GNAO1: variants seen among roughly 807,000 people sequenced by gnomAD.
GNAO1 encodes the protein G protein subunit alpha o1.
For missense variants in GNAO1, 166 were observed against 478.7 expected, an observed-to-expected ratio of 0.35 and a Z score of 6.10; for synonymous variants, 164 against 180.7, an observed-to-expected ratio of 0.91 and a Z score of 0.74.
intron 2 of GNAO1, among the ~76,000 whole-genome samples, chr16:56,269,959 CA>C (rs2037000179): frequency 6.6e-6 from 1 of 152,170 alleles, no homozygotes; most frequent in South Asian, 2.1e-4. Context: ...TGGGGAGTCT[CA>C]CTGCAGCTAA....
intron 2 of GNAO1, among the ~76,000 whole-genome samples, chr16:56,274,338 G>C (rs1188691967): frequency 6.6e-6 from 1 of 152,192 alleles, no homozygotes; most frequent in Non-Finnish European, 1.5e-5. Context: ...CTCTGGGGTG[G>C]TGCACCAGTG....
intron 2 of GNAO1, among the ~76,000 whole-genome samples, chr16:56,207,548 CAATT>C (rs1185488421): frequency 3.9e-5 from 6 of 152,158 alleles, no homozygotes; most frequent in Non-Finnish European, 7.3e-5. Flanking sequence ...TAATTGTTAT[CAATT>C]AATTGTTCCA....
chr16:56,272,108 A>G (rs1225766962), intron 2 of GNAO1, among the ~76,000 whole-genome samples: 1 of 152,114 alleles, frequency 6.6e-6, no homozygotes, highest in Non-Finnish European at 1.5e-5. Flanking sequence ...GGGAGTATGA[A>G]TAATATTTCC....
chr16:56,229,154 T>C (rs1193696609), intron 2 of GNAO1, among the ~76,000 whole-genome samples: 4 of 152,162 alleles, frequency 2.6e-5, no homozygotes, highest in Non-Finnish European at 4.4e-5. Context: ...TAGAATCATT[T>C]TGAGGAATAT....
At chr16:56,356,056 A>C (rs1464610681) in intron 8 of GNAO1, 47 bp from the exon 9 acceptor site, 2 of 152,610 alleles carry the variant, frequency 1.3e-5, no homozygotes, top group Non-Finnish European at 2.9e-5. Context: ...TGGTTTTTAA[A>C]ATCAAAGAAA....
intron 2 of GNAO1, among the ~76,000 whole-genome samples, chr16:56,223,520 C>A (rs778004817): frequency 1.2e-4 from 18 of 152,218 alleles, no homozygotes; most frequent in Non-Finnish European, 2.4e-4. Flanking sequence ...ATGGCATCTG[C>A]AAAGTCCCTT....
intron 2 of GNAO1, among the ~76,000 whole-genome samples, chr16:56,205,264 CA>C (rs1419612415): frequency 6.6e-6 from 1 of 152,142 alleles, no homozygotes; most frequent in East Asian, 1.9e-4. Flanking sequence ...AGTACAAAGA[CA>C]AAACAACTCC....
At chr16:56,223,263 G>A (rs1013958536) in intron 2 of GNAO1, among the ~76,000 whole-genome samples, 1 of 152,130 alleles carries the variant, frequency 6.6e-6, no homozygotes, top group South Asian at 2.1e-4. Flanking sequence ...GCTGGAAACC[G>A]AGGGCTGTTC....
chr16:56,217,925 C>T (rs1290230448), intron 2 of GNAO1, among the ~76,000 whole-genome samples: 1 of 152,184 alleles, frequency 6.6e-6, no homozygotes, highest in African/African-American at 2.4e-5. Context: ...AACAGCAATG[C>T]ATGGTAAAGT....
At chr16:56,343,854 C>G in intron 6 of GNAO1, 1 of 1,613,886 alleles carries the variant, frequency 6.2e-7, no homozygotes, top group African/African-American at 1.3e-5. Flanking sequence ...ACACCCACGT[C>G]ACCTGCGCCA....
intron 2 of GNAO1, among the ~76,000 whole-genome samples, chr16:56,273,854 A>G (rs1272062995): frequency 6.6e-6 from 1 of 152,228 alleles, no homozygotes; most frequent in Non-Finnish European, 1.5e-5. Context: ...GAACTTGAAT[A>G]TCTCCCAGCC....
intron 3 of GNAO1, among the ~76,000 whole-genome samples, chr16:56,306,046 T>C (rs1178753409): frequency 1.3e-5 from 2 of 152,256 alleles, no homozygotes; most frequent in East Asian, 3.8e-4. Context: ...GGAGCTTCCC[T>C]GCCGTCCTCT....
At chr16:56,198,497 A>G (rs2143293113) in intron 2 of GNAO1, among the ~76,000 whole-genome samples, 1 of 152,340 alleles carries the variant, frequency 6.6e-6, no homozygotes, top group Middle Eastern at 3.4e-3. Context: ...GGTTAAGAGC[A>G]TAGACTCTGC....
Position 56,334,863 on chromosome 16 carries a change from G to C in GNAO1, c.593+6G>C. ...TTCAAGAACCTCCACTTCAGGTGAGGCCCAGAGAGGCCCCCAGGCCCTGGC... is the reference window on the plus strand; with the variant it reads ...TTCAAGAACCTCCACTTCAGGTGAGCCCCAGAGAGGCCCCCAGGCCCTGGC... On this transcript the variant is annotated splice_donor_region_variant and intron_variant, in intron 5 of 8. Coordinates refer to ENST00000262493, the MANE Select transcript of GNAO1 (RefSeq NM_020988.3). 1 of 1,613,814 alleles carries C rather than the reference G, an allele frequency of 6.2e-7. No homozygotes were observed. Among genetic ancestry groups the C allele is most frequent in the Non-Finnish European group, 8.5e-7 (1 of 1,179,946 alleles).
At chr16:56,259,316 G>A (rs774827930) in intron 2 of GNAO1, among the ~76,000 whole-genome samples, 42 of 152,240 alleles carry the variant, frequency 2.8e-4, no homozygotes, top group Non-Finnish European at 5.0e-4. Flanking sequence ...CACTCAGGAG[G>A]TGTTGGGTAA....
chr16:56,259,997 C>G (rs2036888366), intron 2 of GNAO1, among the ~76,000 whole-genome samples: 1 of 152,190 alleles, frequency 6.6e-6, no homozygotes, highest in African/African-American at 2.4e-5. Context: ...TGTTTGATAG[C>G]CACATAACCT....
chr16:56,199,256 A>C (rs966086719), intron 2 of GNAO1, among the ~76,000 whole-genome samples: 1 of 152,262 alleles, frequency 6.6e-6, no homozygotes, highest in South Asian at 2.1e-4. Flanking sequence ...TTTGTCAGCC[A>C]GGAAATTTGT....
Position 56,207,092 on chromosome 16 carries a change from T to C in GNAO1, c.161+14476T>C, listed in dbSNP as rs140438427. 2.0e-4 allele frequency among the ~76,000 whole-genome samples: 31 copies of C among 152,372 alleles called. 1 individual carries two copies. The East Asian group carries it at 5.2e-3, about 26-fold the overall frequency. ...ATTTGCAAGCAATTCATGATCTCCTTTGAGCCTTACAACATCAGGCTGCAC... is the reference window on the plus strand; with the variant it reads ...ATTTGCAAGCAATTCATGATCTCCTCTGAGCCTTACAACATCAGGCTGCAC... On this transcript the variant is annotated intron_variant, in intron 2 of 8. Transcript: ENST00000262493.
At chr16:56,307,455 GTTA>G (rs1294625582) in intron 3 of GNAO1, 10 of 152,302 alleles carry the variant, frequency 6.6e-5, no homozygotes, top group East Asian at 1.9e-4. Flanking sequence ...TGTAGTTATT[GTTA>G]TTATTACTCA....
Sources: allele counts gnomAD v4.1 joint callset (sites outside exome capture counted in the v4.1 genomes callset), GRCh38; gene constraint gnomAD v4.1.1; transcripts MANE v1.5; gene names NCBI Gene and HGNC (gene_info 2026-07-23, HGNC 2026-07-21).